PDGFRA: variants seen among roughly 807,000 people sequenced by gnomAD.
The protein encoded by PDGFRA is platelet-derived growth factor receptor alpha.
A neutral mutation model predicts 121.5 loss-of-function variants in PDGFRA; 25 were observed. That is an observed-to-expected ratio of 0.21 (90% CI 0.15 to 0.29). The LOEUF (loss-of-function observed/expected upper bound fraction) is 0.29, where lower values mean the gene tolerates loss of function less well. Among genes scored for constraint, PDGFRA ranks in the 10% least tolerant of loss-of-function variants. The pLI is 1.00. For missense variants in PDGFRA, 1,008 were observed against 1,345.1 expected (o/e 0.75, Z 3.92); for synonymous variants, 463 against 494.8 (o/e 0.94, Z 0.85).
At chr4:54,292,710 A>G (rs1392896250) in intron 22 of PDGFRA, among the ~76,000 whole-genome samples, 1 of 152,158 alleles carries the variant, frequency 6.6e-6, no homozygotes, top group Non-Finnish European at 1.5e-5. Flanking sequence ...AAAAAGAACA[A>G]GATCATGTCC....
rs587778598 is a variant in PDGFRA, at chr4:54,290,368, G to T, written c.2936G>T (p.Arg979Leu). 1 of 1,612,048 alleles carries T rather than the reference G, an allele frequency of 6.2e-7. No homozygotes were observed. Among genetic ancestry groups the T allele is most frequent in the Non-Finnish European group, 8.5e-7 (1 of 1,178,034 alleles). Residue 979 changes from arginine (R) to leucine (L), a missense_variant, in exon 22 of 23, where the codon CGC becomes CTC. By Grantham distance (102) the Arg-to-Leu change is moderately radical. This residue lies in a region of PDGFRA where 204 missense variants were observed against 243.0 expected (regional missense o/e 0.84). Coordinates refer to ENST00000257290, the MANE Select transcript of PDGFRA (RefSeq NM_006206.6). Reference sequence around the variant, plus strand: ...AAGAGTGACCATCCTGCTGTGGCACGCATGCGTGTGGACTCAGACAATGCA... The same window carrying T: ...AAGAGTGACCATCCTGCTGTGGCACTCATGCGTGTGGACTCAGACAATGCA... ...FLKSDHPAVA[R>L]MRVDSDNAYI...
chr4:54,230,061 G>C (rs997142671), intron 1 of PDGFRA: 2 of 152,396 alleles, frequency 1.3e-5, no homozygotes, highest in Admixed American at 1.3e-4. Flanking sequence ...AGCACAGGGA[G>C]CCGGCCGAAT....
At chr4:54,278,265 T>A in intron 14 of PDGFRA, 97 bp from the exon 15 acceptor site, 2 of 861,334 alleles carry the variant, frequency 2.3e-6, no homozygotes, top group Non-Finnish European at 3.8e-6. Context: ...TTTTTTGGTA[T>A]CTTATTTTTT....
At chr4:54,250,893 C>T (rs1419406712) in intron 1 of PDGFRA, among the ~76,000 whole-genome samples, 1 of 151,602 alleles carries the variant, frequency 6.6e-6, no homozygotes, top group African/African-American at 2.4e-5. Context: ...GGTGAAATGC[C>T]ATCTCTACTA....
chr4:54,229,659 C>G (rs1256914966), intron 1 of PDGFRA, among the ~76,000 whole-genome samples: 3 of 151,928 alleles, frequency 2.0e-5, no homozygotes, highest in African/African-American at 7.3e-5. Context: ...TTTTCCAGAC[C>G]TATTTTTAAA....
intron 1 of PDGFRA, among the ~76,000 whole-genome samples, chr4:54,249,047 A>G (rs896347300): frequency 7.2e-5 from 11 of 152,202 alleles, no homozygotes; most frequent in African/African-American, 9.6e-5. Flanking sequence ...TAGAATGGCA[A>G]TCATTAAAAA....
rs777307941 is a variant in PDGFRA, at chr4:54,261,182, C to G, written c.137C>G (p.Ser46Cys). 1 of 1,614,140 alleles carries G rather than the reference C, an allele frequency of 6.2e-7. No individual in the cohort carries two copies. The highest frequency in any genetic ancestry group is 8.5e-7 in the Non-Finnish European group (1 of 1,180,000). The change falls in exon 3 of 23, where the codon TCT (serine) becomes TGT (cysteine). Residue 46 changes from serine (S) to cysteine (C), a missense_variant. This residue lies in a region of PDGFRA where 575 missense variants were observed against 701.8 expected (regional missense o/e 0.82). Coordinates refer to ENST00000257290, the MANE Select transcript of PDGFRA (RefSeq NM_006206.6). ...GTTGTGCAGCTGAATTCATCCTTTT[C>G]TCTGAGATGCTTTGGGGAGAGTGAA... The part of the protein sequence containing the change: ...EKVVQLNSSF[S>C]LRCFGESEVS...
In PDGFRA at chr4:54,278,444, C is replaced by T. The variant is rs139059344; in HGVS notation, c.2085C>T (p.Ser695=). The T allele has an allele frequency of 8.1e-6, 13 of 1,613,586 alleles. No individual in the cohort carries two copies. The East Asian group carries it at 2.5e-4, about 30-fold the overall frequency. ...ATAAGAATAGGGATAGCTTCCTGAG[C>T]CACCACCCAGAGAAGCCAAAGAAAG... ...YLHKNRDSFL[S]HHPEKPKKEL... is the part of the protein sequence containing the mutation. Residue 695 remains serine (S), a synonymous_variant, in exon 15 of 23, where the codon AGC becomes AGT. Transcript: ENST00000257290.
At chr4:54,285,198 T>C (rs547940265) in intron 16 of PDGFRA, among the ~76,000 whole-genome samples, 173 bp from the exon 17 acceptor site, 44 of 152,262 alleles carry the variant, frequency 2.9e-4, no homozygotes, top group African/African-American at 1.0e-3. Context: ...GCCTGGCCTA[T>C]ATATCTATTT....
At position 54,285,995 on chromosome 4, in the gene PDGFRA, C is replaced by T. The variant is rs750675971; in HGVS notation, c.2562+32C>T. 10 of 1,608,478 alleles carry T rather than the reference C, an allele frequency of 6.2e-6. No individual in the cohort carries two copies. The East Asian group carries it at 1.8e-4, about 29-fold the overall frequency. Reference sequence around the variant, plus strand: ...CCTCACTTCCCTCACTGGTCAGGCTCATCCTCCTTCACTTTAATCTCTAAA... The same window carrying T: ...CCTCACTTCCCTCACTGGTCAGGCTTATCCTCCTTCACTTTAATCTCTAAA... On this transcript the variant is annotated intron_variant, in intron 18 of 22. Coordinates refer to ENST00000257290, the MANE Select transcript of PDGFRA (RefSeq NM_006206.6).
chr4:54,233,268 G>A lies in PDGFRA; in HGVS notation c.-13+3853G>A, dbSNP rs372389739. ...AGCCGCCGAGGACTTGGTGGAGGTG[G>A]GAGGGAGAGCGGACCGCGCAGTGTT... On this transcript the variant is annotated intron_variant, in intron 1 of 22. Coordinates refer to ENST00000257290, the MANE Select transcript of PDGFRA (RefSeq NM_006206.6). 4.6e-3 allele frequency among the ~76,000 whole-genome samples: 695 copies of A among 152,338 alleles called. 5 individuals are homozygous for A. The highest frequency in any genetic ancestry group is 6.8e-3 in the Non-Finnish European group (464 of 68,028).
chr4:54,296,706 A>G lies in PDGFRA; in HGVS notation c.*1434A>G, dbSNP rs376836936. The G allele has an allele frequency of 9.5e-5, 22 of 232,714 alleles. No homozygotes were observed. Among genetic ancestry groups the G allele is most frequent in the African/African-American group, 4.6e-4 (21 of 45,432 alleles). The allele number at this position is 232,714 out of a possible 1,614,324, so 14.4% of individuals were successfully genotyped here. A position where few individuals can be genotyped will look rare whatever the true frequency, so the allele number is the denominator to read the frequency against. On this transcript the variant is annotated 3_prime_UTR_variant, in exon 23 of 23. Coordinates refer to ENST00000257290, the MANE Select transcript of PDGFRA (RefSeq NM_006206.6). ...AACTCCCTGGCTGTTCTGATCGGCCAGTTTTCGGAAACACTGACTTAGGTT... is the reference window on the plus strand; with the variant it reads ...AACTCCCTGGCTGTTCTGATCGGCCGGTTTTCGGAAACACTGACTTAGGTT...
intron 1 of PDGFRA, among the ~76,000 whole-genome samples, chr4:54,250,577 A>T (rs1172698208): frequency 6.6e-6 from 1 of 152,252 alleles, no homozygotes; most frequent in African/African-American, 2.4e-5. Flanking sequence ...TCATAATTAT[A>T]GTTCTTATGT....
chr4:54,251,879 G>A (rs1002371535), intron 1 of PDGFRA, among the ~76,000 whole-genome samples: 28 of 152,108 alleles, frequency 1.8e-4, no homozygotes, highest in African/African-American at 6.8e-4. Flanking sequence ...GAGCCTATGT[G>A]GCAAATAATT....
At chr4:54,243,546 T>G (rs1054789581) in intron 1 of PDGFRA, 3 of 152,202 alleles carry the variant, frequency 2.0e-5, no homozygotes, top group African/African-American at 7.2e-5. Context: ...AGAAATTCTG[T>G]GTGTAAACAT....
At chr4:54,275,678 G>A (rs1431944373) in intron 12 of PDGFRA, among the ~76,000 whole-genome samples, 2 of 152,212 alleles carry the variant, frequency 1.3e-5, no homozygotes, top group African/African-American at 4.8e-5. Context: ...CGGTCTCATT[G>A]CAAAATACAG....
intron 16 of PDGFRA, among the ~76,000 whole-genome samples, chr4:54,281,246 C>T (rs1458513258): frequency 4.6e-5 from 7 of 152,266 alleles, no homozygotes; most frequent in Admixed American, 3.3e-4. Context: ...ATTGGCTTGT[C>T]CTGTGAGCTT....
At chr4:54,239,166 A>G (rs573897555) in intron 1 of PDGFRA, among the ~76,000 whole-genome samples, 82 of 152,336 alleles carry the variant, frequency 5.4e-4, no homozygotes, top group Admixed American at 1.6e-3. Context: ...TACAAATGCC[A>G]TAGCAATGAC....
intron 1 of PDGFRA, chr4:54,229,732 G>A (rs1720553037): frequency 1.2e-5 from 2 of 166,412 alleles, no homozygotes; most frequent in Non-Finnish European, 2.6e-5. Context: ...ACATTTTTGA[G>A]GTTTCTTTTG....
Sources: allele counts gnomAD v4.1 joint callset (sites outside exome capture counted in the v4.1 genomes callset), GRCh38; gene constraint gnomAD v4.1.1; regional missense constraint gnomAD v4.1.1; transcripts MANE v1.5; gene names NCBI Gene and HGNC (gene_info 2026-07-23, HGNC 2026-07-21).